SLC6A2: variants seen among roughly 807,000 people sequenced by gnomAD.
SLC6A2 encodes the protein sodium-dependent noradrenaline transporter.
In SLC6A2, 26 loss-of-function variants were observed where a neutral mutation model predicts 71.7. The ratio of observed to expected loss-of-function variants is 0.36; its 90% CI spans 0.27 to 0.50. The LOEUF is 0.50. SLC6A2 is among the 20% of genes least tolerant of loss of function. The pLI, the probability that SLC6A2 is intolerant of heterozygous loss-of-function variation, is 0.96. For synonymous variants in SLC6A2, 363 were observed against 337.9 expected, an observed-to-expected ratio of 1.07 and a Z score of -0.82; for missense variants, 581 against 803.9, an observed-to-expected ratio of 0.72 and a Z score of 3.35.
At position 55,669,644 on chromosome 16, in the gene SLC6A2, G is replaced by A. The variant is rs377258519; in HGVS notation, c.354G>A (p.Gln118=). The change falls in exon 3 of 15, where the codon CAG becomes CAA. Residue 118 remains glutamine (Q), a synonymous_variant. Transcript: ENST00000568943. ...TCTACATGGAGCTGGCTCTGGGACAGTACAACCGGGAGGGGGCTGCCACCG... is the reference window on the plus strand; with the variant it reads ...TCTACATGGAGCTGGCTCTGGGACAATACAACCGGGAGGGGGCTGCCACCG... ...PLFYMELALG[Q]YNREGAATVW... 10 of 1,614,154 alleles carry A rather than the reference G, an allele frequency of 6.2e-6. No homozygotes were observed. The highest frequency in any genetic ancestry group is 8.5e-6 in the Non-Finnish European group (10 of 1,180,018).
intron 3 of SLC6A2, 25 bp from the exon 4 acceptor site, chr16:55,671,913 T>C (rs762392520): frequency 1.2e-6 from 2 of 1,613,900 alleles, no homozygotes; most frequent in Non-Finnish European, 1.7e-6. Context: ...GGGAGACTCC[T>C]ACCTTACCCC....
intron 6 of SLC6A2, 139 bp downstream of exon 6, chr16:55,692,191 T>G: frequency 9.9e-7 from 1 of 1,014,316 alleles, no homozygotes; most frequent in Non-Finnish European, 1.5e-6. Flanking sequence ...CTGTCTGAGG[T>G]GCAGCTTCCC....
At chr16:55,686,368 A>G (rs1021333099) in intron 5 of SLC6A2, among the ~76,000 whole-genome samples, 2 of 152,150 alleles carry the variant, frequency 1.3e-5, no homozygotes, top group East Asian at 1.9e-4. Context: ...AGTTCCAAGA[A>G]CATGTCCCAA....
chr16:55,657,354 A>G (rs1310080942), intron 2 of SLC6A2, among the ~76,000 whole-genome samples: 1 of 152,076 alleles, frequency 6.6e-6, no homozygotes, highest in African/African-American at 2.4e-5. Flanking sequence ...AGGGAGGTGG[A>G]GATTCCAAGA....
chr16:55,684,446 C>G (rs1965381937), intron 4 of SLC6A2, among the ~76,000 whole-genome samples: 1 of 152,054 alleles, frequency 6.6e-6, no homozygotes, highest in African/African-American at 2.4e-5. Flanking sequence ...TAGAGCATGT[C>G]TTTTGGTGAA....
chr16:55,660,650 C>T (rs1448389937), intron 2 of SLC6A2, among the ~76,000 whole-genome samples: 2 of 151,060 alleles, frequency 1.3e-5, no homozygotes, highest in African/African-American at 2.4e-5. Context: ...TGTGTGATCT[C>T]GGGCATAGTA....
intron 4 of SLC6A2, 107 bp from the exon 5 acceptor site, chr16:55,685,036 G>A: frequency 8.9e-7 from 1 of 1,118,886 alleles, no homozygotes; most frequent in Non-Finnish European, 1.3e-6. Context: ...GAGTGGCCAG[G>A]TCCTGTCTCC....
chr16:55,691,614 G>A (rs1041742651), intron 5 of SLC6A2, among the ~76,000 whole-genome samples: 1 of 152,142 alleles, frequency 6.6e-6, no homozygotes, highest in Non-Finnish European at 1.5e-5. Flanking sequence ...AGATGAGGAG[G>A]CATCTGGTGC....
rs1207062095 is a variant in SLC6A2 at position 55,704,537 on chromosome 16, A to G, written c.*2191A>G. Reference sequence around the variant, plus strand: ...GAGAGAATGCCATTTATTTTCCTCTAGCTGGTTTCCAGAGAGGAAATTATT... The same window carrying G: ...GAGAGAATGCCATTTATTTTCCTCTGGCTGGTTTCCAGAGAGGAAATTATT... On this transcript the variant is annotated 3_prime_UTR_variant, in exon 15 of 15. Transcript: ENST00000568943. 1 of 152,220 alleles carries G rather than the reference A, an allele frequency of 6.6e-6. No homozygotes were observed. The highest frequency in any genetic ancestry group is 1.5e-5 in the Non-Finnish European group (1 of 68,040). The allele number at this position is 152,220 out of a possible 1,614,324, so 9.4% of individuals were successfully genotyped here. A position where few individuals can be genotyped will look rare whatever the true frequency, so the allele number is the denominator to read the frequency against.
rs758951794 is a variant in SLC6A2, at chr16:55,701,882, C to T, written c.1778C>T (p.Thr593Met). ...SLWERLAYGI[T>M]PENEHHLVAQ... is the part of the protein sequence containing the mutation. The stretch of plus-strand genomic sequence containing the variant: ...TTTCAGAGACTGGCCTATGGCATCA[C>T]GCCAGAGAACGAGCACCACCTGGTG... Residue 593 changes from threonine to methionine, a missense_variant, in exon 14 of 15, where the codon ACG (threonine) becomes ATG (methionine). Physicochemically the swap from Thr to Met is moderately conservative, Grantham distance 81. Around this residue, in one of 5 missense-constraint regions of SLC6A2, gnomAD observed 334 missense variants for 449.0 expected, o/e 0.74. Coordinates refer to ENST00000568943, the MANE Select transcript of SLC6A2 (RefSeq NM_001172501.3). The T allele has an allele frequency of 9.9e-6, 16 of 1,613,912 alleles. No homozygotes were observed. The highest frequency in any genetic ancestry group is 1.7e-5 in the Admixed American group (1 of 60,028).
rs1965851402 is a variant in SLC6A2 at position 55,697,986 on chromosome 16, C to T, written c.1350C>T (p.Thr450=). The change falls in exon 10 of 15, where the codon ACC becomes ACT. Residue 450 remains threonine (T), a synonymous_variant. Coordinates refer to ENST00000568943, the MANE Select transcript of SLC6A2 (RefSeq NM_001172501.3). ...RHRKLFTFGV[T]FSTFLLALFC... is the part of the protein sequence containing the mutation. ...GGAAACTCTTCACATTTGGCGTCAC[C>T]TTCAGCACTTTCCTTCTCGCCCTGT... The T allele has an allele frequency of 6.2e-7, 1 of 1,614,148 alleles. No individual in the cohort carries two copies. Among genetic ancestry groups the T allele is most frequent in the South Asian group, 1.1e-5 (1 of 91,076 alleles).
chr16:55,676,600 C>T (rs1348312227), intron 4 of SLC6A2, among the ~76,000 whole-genome samples: 4 of 152,204 alleles, frequency 2.6e-5, no homozygotes, highest in African/African-American at 9.7e-5. Flanking sequence ...AGCATGCACC[C>T]TTAACCTCTG....
chr16:55,690,570 T>A (rs546165997), intron 5 of SLC6A2, among the ~76,000 whole-genome samples: 2 of 152,236 alleles, frequency 1.3e-5, no homozygotes, highest in East Asian at 3.9e-4. Context: ...TTCAGCTGAG[T>A]CCTCCTTGAG....
chr16:55,667,289 G>A (rs1182098675), intron 2 of SLC6A2, among the ~76,000 whole-genome samples: 2 of 152,196 alleles, frequency 1.3e-5, no homozygotes, highest in African/African-American at 4.8e-5. Flanking sequence ...GCAGAGTGGG[G>A]CTGCGCCAGA....
chr16:55,669,224 A>G (rs1964836040), intron 2 of SLC6A2, among the ~76,000 whole-genome samples: 1 of 152,182 alleles, frequency 6.6e-6, no homozygotes, highest in South Asian at 2.1e-4. Context: ...TCAGTGTTTA[A>G]ATAAATCTGG....
chr16:55,688,185 T>A (rs1200108286), intron 5 of SLC6A2, among the ~76,000 whole-genome samples: 1 of 152,224 alleles, frequency 6.6e-6, no homozygotes, highest in African/African-American at 2.4e-5. Context: ...CTTATTTCTT[T>A]CTAGACTGAA....
chr16:55,693,173 G>A (rs139317093), intron 6 of SLC6A2, among the ~76,000 whole-genome samples: 3,273 of 152,254 alleles, frequency 0.021, 110 homozygotes, highest in African/African-American at 0.075. Context: ...GATCACTTGA[G>A]GTCAGGAGTT....
intron 4 of SLC6A2, among the ~76,000 whole-genome samples, chr16:55,678,245 C>G (rs1213804525): frequency 6.6e-6 from 1 of 152,048 alleles, no homozygotes; most frequent in Non-Finnish European, 1.5e-5. Context: ...CCGCCCTTGC[C>G]CTTTCTGGCC....
chr16:55,698,182 C>T (rs1334352527), intron 10 of SLC6A2, among the ~76,000 whole-genome samples, 157 bp downstream of exon 10: 1 of 152,042 alleles, frequency 6.6e-6, no homozygotes, highest in Non-Finnish European at 1.5e-5. Context: ...AGGGTTAGGC[C>T]CAGTAGTCTT....
Sources: allele counts gnomAD v4.1 joint callset (sites outside exome capture counted in the v4.1 genomes callset), GRCh38; gene constraint gnomAD v4.1.1; regional missense constraint gnomAD v4.1.1; transcripts MANE v1.5; gene names NCBI Gene and HGNC (gene_info 2026-07-23, HGNC 2026-07-21).